The following TBC1D5 variants were observed in gnomAD, a reference collection of about 807,000 sequenced individuals.
TBC1D5 encodes TBC1 domain family member 5, also known as TBC1 domain family, member 5.
In TBC1D5, 75 loss-of-function variants were observed where a neutral mutation model predicts 100.3. That is an observed-to-expected ratio of 0.75 (90% CI 0.62 to 0.91). TBC1D5 has a LOEUF of 0.91. Among genes scored for constraint, TBC1D5 ranks in the 40% least tolerant of loss-of-function variants. The probability of loss-of-function intolerance (pLI) is 0.00; values close to 1 mark genes in which losing one functional copy is unlikely to be tolerated. For synonymous variants in TBC1D5, 323 were observed against 325.6 expected (o/e 0.99, Z 0.09); for missense variants, 910 against 942.4 (o/e 0.97, Z 0.45).
chr3:17,719,036 A>T lies in TBC1D5; in HGVS notation c.-101+20307T>A, dbSNP rs533339448. Among the ~76,000 whole-genome samples the T allele has an allele frequency of 1.1e-3, 166 of 152,312 alleles. 1 individual carries two copies. The South Asian group carries it at 0.021, about 20-fold the overall frequency. On this transcript the variant is annotated intron_variant, in intron 1 of 21. Coordinates refer to ENST00000253692, the Ensembl canonical transcript of TBC1D5. ...TGGTATCATCAAGTATTGAAATTTTAAAAATAAAATCAACTAAATTACAAA... is the reference window on the plus strand; with the variant it reads ...TGGTATCATCAAGTATTGAAATTTTTAAAATAAAATCAACTAAATTACAAA...
At chr3:17,594,727 G>T (rs748938855) in intron 2 of TBC1D5, among the ~76,000 whole-genome samples, 4 of 152,174 alleles carry the variant, frequency 2.6e-5, no homozygotes, top group Non-Finnish European at 5.9e-5. Flanking sequence ...TGCATTTCCA[G>T]TTGTACAAAG....
intron 9 of TBC1D5, among the ~76,000 whole-genome samples, chr3:17,380,850 T>C (rs1310021347): frequency 6.6e-6 from 1 of 152,108 alleles, no homozygotes; most frequent in African/African-American, 2.4e-5. Flanking sequence ...AGCAAGACAT[T>C]CTACTACATG....
chr3:17,167,537 A>T (rs2066750462), intron 20 of TBC1D5, among the ~76,000 whole-genome samples: 1 of 152,208 alleles, frequency 6.6e-6, no homozygotes, highest in Non-Finnish European at 1.5e-5. Flanking sequence ...GTGGTGTGGG[A>T]AATGGAAAAC....
chr3:17,468,371 T>C (rs1380648543), intron 3 of TBC1D5, among the ~76,000 whole-genome samples: 1 of 152,198 alleles, frequency 6.6e-6, no homozygotes, highest in African/African-American at 2.4e-5. Context: ...TTATCTCCCT[T>C]AAATATTAGC....
chr3:17,702,154 A>T (rs991526273), intron 1 of TBC1D5: 2 of 152,278 alleles, frequency 1.3e-5, no homozygotes, highest in African/African-American at 4.8e-5. Flanking sequence ...GTCGTCTTCA[A>T]TGTGAGGTGA....
chr3:17,572,306 A>G (rs1268072099), intron 2 of TBC1D5, among the ~76,000 whole-genome samples: 1 of 145,668 alleles, frequency 6.9e-6, no homozygotes, highest in African/African-American at 2.5e-5. Context: ...TTCTCAGTTA[A>G]AAAAAAAAAA....
chr3:17,423,441 T>G (rs903409836), intron 4 of TBC1D5, among the ~76,000 whole-genome samples: 10 of 152,102 alleles, frequency 6.6e-5, no homozygotes, highest in African/African-American at 2.4e-4. Context: ...TGTGTATCTT[T>G]TTAGCATTCA....
chr3:17,713,303 G>A (rs1278350911), intron 1 of TBC1D5, among the ~76,000 whole-genome samples: 8 of 149,670 alleles, frequency 5.3e-5, no homozygotes, highest in Non-Finnish European at 1.0e-4. Flanking sequence ...GTGCAGTGGC[G>A]CGATCTCAGC....
chr3:17,296,371 A>C (rs1175945132), intron 14 of TBC1D5, among the ~76,000 whole-genome samples: 1 of 152,238 alleles, frequency 6.6e-6, no homozygotes, highest in Admixed American at 6.5e-5. Context: ...GCTCTCTGAA[A>C]AAAATATTTG....
chr3:17,210,377 G>A (rs1391102624), intron 18 of TBC1D5, among the ~76,000 whole-genome samples: 1 of 151,778 alleles, frequency 6.6e-6, no homozygotes, highest in Non-Finnish European at 1.5e-5. Flanking sequence ...TAGTAGCGAT[G>A]GGGTTTCACC....
At chr3:17,303,712 G>T (rs149103610) in intron 14 of TBC1D5, among the ~76,000 whole-genome samples, 1 of 151,742 alleles carries the variant, frequency 6.6e-6, no homozygotes, top group East Asian at 1.9e-4. Context: ...TCTTTTCCTG[G>T]CTGTGCTTCC....
intron 2 of TBC1D5, among the ~76,000 whole-genome samples, chr3:17,550,194 GTCTT>G (rs2096460466): frequency 6.6e-6 from 1 of 151,944 alleles, no homozygotes; most frequent in Non-Finnish European, 1.5e-5. Context: ...AAATCATTGA[GTCTT>G]TCCCCTTCTA....
intron 18 of TBC1D5, among the ~76,000 whole-genome samples, chr3:17,211,780 G>A (rs889709442): frequency 6.6e-6 from 1 of 152,088 alleles, no homozygotes; most frequent in Admixed American, 6.6e-5. Context: ...AACTGCCCTT[G>A]TTGTCCTTGC....
intron 2 of TBC1D5, among the ~76,000 whole-genome samples, chr3:17,511,850 A>G (rs2095912082): frequency 6.6e-6 from 1 of 152,024 alleles, no homozygotes; most frequent in Non-Finnish European, 1.5e-5. Context: ...AAATGTTTTT[A>G]TAATTAAATA....
Position 17,619,482 on chromosome 3 carries a change from T to C in TBC1D5, c.-36+4367A>G, listed in dbSNP as rs148021051. On this transcript the variant is annotated intron_variant, in intron 2 of 21. Transcript: ENST00000253692. ...AATTCCACTACAGATAGAAATCTAA[T>C]ATCTGTAAAGGTGATATAATAAATC... Among the ~76,000 whole-genome samples the C allele has an allele frequency of 1.9e-3, 292 of 152,334 alleles. 1 individual carries two copies. The highest frequency in any genetic ancestry group is 6.8e-3 in the Middle Eastern group (2 of 294).
chr3:17,502,681 A>T (rs1376392411), intron 3 of TBC1D5, among the ~76,000 whole-genome samples: 1 of 149,284 alleles, frequency 6.7e-6, no homozygotes, highest in East Asian at 1.9e-4. Flanking sequence ...GGTACTTCTA[A>T]CTCACATCTG....
intron 15 of TBC1D5, among the ~76,000 whole-genome samples, chr3:17,282,340 G>A (rs1263888205): frequency 3.3e-5 from 5 of 152,168 alleles, no homozygotes; most frequent in Non-Finnish European, 7.4e-5. Flanking sequence ...GCATAGGACT[G>A]ATAGCTTTAA....
At chr3:17,411,713 C>T (rs991518693) in intron 4 of TBC1D5, among the ~76,000 whole-genome samples, 1 of 152,118 alleles carries the variant, frequency 6.6e-6, no homozygotes, top group Non-Finnish European at 1.5e-5. Flanking sequence ...CTTTTAAGGT[C>T]AAGTTACATA....
At chr3:17,655,475 A>T (rs2153729435) in intron 1 of TBC1D5, among the ~76,000 whole-genome samples, 1 of 152,030 alleles carries the variant, frequency 6.6e-6, no homozygotes, top group South Asian at 2.1e-4. Context: ...AATTAAATTA[A>T]ATTAAATTAA....
Sources: allele counts gnomAD v4.1 joint callset (sites outside exome capture counted in the v4.1 genomes callset), GRCh38; gene constraint gnomAD v4.1.1; transcripts MANE v1.5; gene names NCBI Gene and HGNC (gene_info 2026-07-23, HGNC 2026-07-21).